Variants in SYN3 observed in about 807,000 individuals in gnomAD.
SYN3 encodes the protein synapsin-3.
Under a neutral mutation model 65.8 loss-of-function variants are expected in SYN3, and 35 were observed. The ratio of observed to expected loss-of-function variants is 0.53; its 90% CI spans 0.41 to 0.70. The LOEUF is 0.70. Among genes scored for constraint, SYN3 ranks in the 30% least tolerant of loss-of-function variants. The probability of loss-of-function intolerance (pLI) is 0.00; values close to 1 mark genes in which losing one functional copy is unlikely to be tolerated. For synonymous variants in SYN3, 270 were observed against 292.9 expected (o/e 0.92, Z 0.80); for missense variants, 680 against 749.0 (o/e 0.91, Z 1.08).
rs2060572951 is a variant in SYN3 at position 32,685,114 on chromosome 22, A to G, written c.712-88378T>C. ...GACAGACTTTATGGCCGGCAAGCAG[A>G]AAAGTAACATTATGTCAAGGGCATT... On this transcript the variant is annotated intron_variant, in intron 6 of 13. Transcript: ENST00000358763. 2.0e-5 allele frequency among the ~76,000 whole-genome samples: 3 copies of G among 152,338 alleles called. No individual in the cohort carries two copies. The South Asian group carries it at 6.2e-4, about 32-fold the overall frequency.
intron 4 of SYN3, among the ~76,000 whole-genome samples, chr22:32,908,287 T>C (rs2049957352): frequency 6.6e-6 from 1 of 152,060 alleles, no homozygotes; most frequent in African/African-American, 2.4e-5. Context: ...GGTTTTGCCA[T>C]GTTGGCCAAG....
chr22:33,055,681 A>G (rs1214945314), intron 1 of SYN3, among the ~76,000 whole-genome samples: 1 of 152,248 alleles, frequency 6.6e-6, no homozygotes, highest in African/African-American at 2.4e-5. Flanking sequence ...GAGGGAGTAC[A>G]GAAGGCCTTT....
At chr22:33,024,939 G>A (rs932239205) in intron 1 of SYN3, among the ~76,000 whole-genome samples, 2 of 152,186 alleles carry the variant, frequency 1.3e-5, no homozygotes, top group Admixed American at 6.5e-5. Flanking sequence ...CAGGAGATGC[G>A]TGAAGGACGT....
chr22:33,051,257 C>CT (rs2054160621), intron 1 of SYN3, among the ~76,000 whole-genome samples: 1 of 152,194 alleles, frequency 6.6e-6, no homozygotes, highest in African/African-American at 2.4e-5. Context: ...GAACCCATCA[C>CT]TTATAACCCA....
At position 33,045,485 on chromosome 22, in the gene SYN3, T is replaced by G. The variant is rs1355683079; in HGVS notation, c.-163+12807A>C. On this transcript the variant is annotated intron_variant, in intron 1 of 13. Transcript: ENST00000358763. ...TTTTTTTTTTTTTTTTTTTTTTTTTTGAGATGGAGTCTCGCTCTGTCGCCC... is the reference window on the plus strand; with the variant it reads ...TTTTTTTTTTTTTTTTTTTTTTTTTGGAGATGGAGTCTCGCTCTGTCGCCC... 6.9e-5 allele frequency among the ~76,000 whole-genome samples: 10 copies of G among 144,136 alleles called. No homozygotes were observed. In the East Asian group the frequency reaches 1.4e-3, roughly 20 times the overall value. 94.6% of individuals were successfully genotyped at this position (144,136 alleles called of 152,430 possible). A position where few individuals can be genotyped will look rare whatever the true frequency, so the allele number is the denominator to read the frequency against.
At chr22:32,782,073 AT>A (rs57236777) in intron 6 of SYN3, among the ~76,000 whole-genome samples, 50,274 of 143,802 alleles carry the variant, frequency 0.35, 8,474 homozygotes, top group East Asian at 0.51. Flanking sequence ...AGGCTCTGTA[AT>A]TTTTTTTTTT....
chr22:32,514,528 A>T (rs1023607668), intron 13 of SYN3: 2 of 152,182 alleles, frequency 1.3e-5, no homozygotes, highest in African/African-American at 4.8e-5. Flanking sequence ...AGTGCTTCCT[A>T]AATGCCAGCC....
rs376003197 is a variant in SYN3 at position 32,547,805 on chromosome 22, CTGCTATT to C, written c.775-6099_775-6093del. On this transcript the variant is annotated intron_variant, in intron 7 of 13. Transcript: ENST00000358763. ...GTCATCTACATACTTAGTAGACTGT[CTGCTATT>C]TGCTTGAATATCTCCAATAGCAGGG... Among the ~76,000 whole-genome samples the C allele has an allele frequency of 2.4e-3, 361 of 152,358 alleles. 3 individuals are homozygous for C. The highest frequency in any genetic ancestry group is 8.1e-3 in the African/African-American group (338 of 41,584).
chr22:33,008,119 T>G (rs759056722), intron 1 of SYN3, among the ~76,000 whole-genome samples: 1 of 152,154 alleles, frequency 6.6e-6, no homozygotes, highest in Non-Finnish European at 1.5e-5. Context: ...GTATTTTTAG[T>G]AGAGATGAGG....
rs1416855680 is a variant in SYN3, at chr22:32,508,621, TTTCTC to T, written c.*5066_*5070del. On this transcript the variant is annotated 3_prime_UTR_variant, in exon 14 of 14. Transcript: ENST00000358763. ...CTGCCATTGATCTTCTTCCGCTTCT[TTTCTC>T]TATCTCATTTTACTGGGTTTTGGTT... Among the ~76,000 whole-genome samples the T allele has an allele frequency of 3.9e-5, 6 of 152,234 alleles. No individual in the cohort carries two copies. Among genetic ancestry groups the T allele is most frequent in the Non-Finnish European group, 7.3e-5 (5 of 68,032 alleles).
chr22:32,728,530 CTGACCTTGACCA>C (rs752544744), intron 6 of SYN3, among the ~76,000 whole-genome samples: 23 of 152,340 alleles, frequency 1.5e-4, no homozygotes, highest in Admixed American at 6.5e-4. Context: ...CTCAGAGAGG[CTGACCTTGACCA>C]TGTATCTCAG....
At chr22:32,775,425 G>A (rs1264691311) in intron 6 of SYN3, among the ~76,000 whole-genome samples, 2 of 152,160 alleles carry the variant, frequency 1.3e-5, no homozygotes, top group Non-Finnish European at 2.9e-5. Flanking sequence ...TGCCAAGAGA[G>A]TGGTGACCTG....
chr22:32,820,882 C>T (rs1000314980), intron 6 of SYN3, among the ~76,000 whole-genome samples: 7 of 152,114 alleles, frequency 4.6e-5, no homozygotes, highest in Non-Finnish European at 1.0e-4. Context: ...CAGAGTTTGC[C>T]AGATATTGCT....
At chr22:32,995,959 T>C (rs915346096) in intron 2 of SYN3, among the ~76,000 whole-genome samples, 15 of 151,998 alleles carry the variant, frequency 9.9e-5, no homozygotes, top group Non-Finnish European at 1.2e-4. Context: ...CCTTTTTTTT[T>C]CCCCCTGAAG....
chr22:32,636,338 C>T (rs1036659620), intron 6 of SYN3, among the ~76,000 whole-genome samples: 4 of 150,526 alleles, frequency 2.7e-5, no homozygotes, highest in Non-Finnish European at 4.4e-5. Context: ...GGAGGCGGAG[C>T]TTGCAGTGAG....
chr22:32,891,283 G>A (rs954429797), intron 4 of SYN3, among the ~76,000 whole-genome samples: 43 of 152,128 alleles, frequency 2.8e-4, no homozygotes, highest in Admixed American at 1.7e-3. Context: ...TCCTTTTGAT[G>A]ACATTCTCGA....
chr22:32,608,979 T>C (rs1411276375), intron 6 of SYN3, among the ~76,000 whole-genome samples: 5 of 152,212 alleles, frequency 3.3e-5, no homozygotes, highest in Non-Finnish European at 7.3e-5. Context: ...TTTAAAGTTT[T>C]CCTTTTTGTA....
intron 3 of SYN3, among the ~76,000 whole-genome samples, chr22:32,949,411 A>G (rs2051218218): frequency 6.6e-6 from 1 of 151,676 alleles, no homozygotes. Context: ...GCGAGACTCT[A>G]TGTCAAAAAA....
At chr22:32,630,147 C>T (rs1202253977) in intron 6 of SYN3, among the ~76,000 whole-genome samples, 1 of 152,010 alleles carries the variant, frequency 6.6e-6, no homozygotes, top group Non-Finnish European at 1.5e-5. Context: ...CCATGCCCAG[C>T]TAATTTTTGT....
Sources: gnomAD v4.1 joint callset for allele counts (sites outside exome capture counted in the v4.1 genomes callset) on GRCh38, gnomAD v4.1.1 for gene constraint, MANE v1.5 for transcripts, NCBI Gene and HGNC (gene_info 2026-07-23, HGNC 2026-07-21) for gene names.